GARRE1: variants seen among roughly 807,000 people sequenced by gnomAD.
GARRE1 encodes granule associated Rac and RHOG effector protein 1.
In GARRE1, 49 loss-of-function variants were observed where a neutral mutation model predicts 103.2. The ratio of observed to expected loss-of-function variants is 0.47; its 90% CI spans 0.38 to 0.60. The LOEUF is 0.60. GARRE1 is among the 20% of genes least tolerant of loss of function. GARRE1 has a pLI of 0.00. For missense variants in GARRE1, 1,199 were observed against 1,370.5 expected (o/e 0.87, Z 1.98); for synonymous variants, 505 against 532.8 (o/e 0.95, Z 0.72).
At chr19:34,319,093 G>T (rs954852477) in intron 2 of GARRE1, among the ~76,000 whole-genome samples, 1 of 152,174 alleles carries the variant, frequency 6.6e-6, no homozygotes, top group Non-Finnish European at 1.5e-5. Context: ...GGGAGGAGCA[G>T]CAAAGGAGCT....
chr19:34,277,910 C>A (rs867239111), intron 1 of GARRE1, among the ~76,000 whole-genome samples: 1 of 108,980 alleles, frequency 9.2e-6, no homozygotes, highest in African/African-American at 3.4e-5. Flanking sequence ...CACCCCCCCC[C>A]CCCACCCCCA....
intron 2 of GARRE1, among the ~76,000 whole-genome samples, chr19:34,307,075 G>A (rs1241273764): frequency 1.3e-5 from 2 of 152,192 alleles, no homozygotes; most frequent in Non-Finnish European, 1.5e-5. Context: ...TGGAGTGTTG[G>A]AAGAGCAGGA....
intron 1 of GARRE1, among the ~76,000 whole-genome samples, chr19:34,269,088 C>T (rs917039256): frequency 1.3e-5 from 2 of 152,174 alleles, no homozygotes; most frequent in Non-Finnish European, 2.9e-5. Context: ...AGTTGTTCTT[C>T]TGCTTAAATG....
chr19:34,285,244 A>C (rs2073879404), intron 1 of GARRE1: 1 of 152,170 alleles, frequency 6.6e-6, no homozygotes, highest in African/African-American at 2.4e-5. Flanking sequence ...AGGGGATATT[A>C]TGATCACTGC....
At position 34,300,341 on chromosome 19, in the gene GARRE1, T is replaced by C. The variant is rs1047134428; in HGVS notation, c.-133T>C. The C allele has an allele frequency of 1.0e-6, 1 of 964,512 alleles. No homozygotes were observed. The highest frequency in any genetic ancestry group is 1.6e-5 in the African/African-American group (1 of 61,418). The allele number at this position is 964,512 out of a possible 1,614,324, so 59.7% of individuals were successfully genotyped here. Reference sequence around the variant, plus strand: ...CTCTACATTGGATCACATGGTCACCTGCCTCATGGAAATGCCTTTTTTAAA... The same window carrying C: ...CTCTACATTGGATCACATGGTCACCCGCCTCATGGAAATGCCTTTTTTAAA... On this transcript the variant is annotated 5_prime_UTR_variant, in exon 2 of 14. Transcript: ENST00000299505.
intron 3 of GARRE1, among the ~76,000 whole-genome samples, chr19:34,324,821 C>G (rs924527452): frequency 1.3e-5 from 2 of 152,120 alleles, no homozygotes; most frequent in Non-Finnish European, 2.9e-5. Flanking sequence ...CTAGAGATAA[C>G]CTCTGTTGAA....
chr19:34,315,913 C>T (rs1355126492), intron 2 of GARRE1, among the ~76,000 whole-genome samples: 1 of 152,168 alleles, frequency 6.6e-6, no homozygotes, highest in Non-Finnish European at 1.5e-5. Flanking sequence ...GCACCCTTCT[C>T]CTCCACCATC....
rs755800148 is a variant in GARRE1 at position 34,300,963 on chromosome 19, A to G, written c.490A>G (p.Ile164Val). Residue 164 changes from isoleucine to valine, a missense_variant, in exon 2 of 14, where the codon ATT (isoleucine) becomes GTT (valine). Physicochemically the swap from Ile to Val is conservative, Grantham distance 29. Coordinates refer to ENST00000299505, the MANE Select transcript of GARRE1 (RefSeq NM_014686.5). ...TDQKEFSLQDIEVLGRCFLTV... is the reference protein window; with the variant it reads ...TDQKEFSLQDVEVLGRCFLTV... The stretch of plus-strand genomic sequence containing the variant: ...TCAGAAGGAATTCAGTCTCCAGGAC[A>G]TTGAGGTAGAGTATCTTTTGTGTCA... 1.3e-5 allele frequency: 20 copies of G among 1,596,622 alleles called. No homozygotes were observed. The highest frequency in any genetic ancestry group is 8.8e-5 in the South Asian group (8 of 90,868).
intron 1 of GARRE1, among the ~76,000 whole-genome samples, chr19:34,293,743 C>CACACACACACACACACACACAT (rs902253324): frequency 8.8e-6 from 1 of 113,460 alleles, no homozygotes; most frequent in African/African-American, 3.4e-5. Context: ...CACACACACA[C>CACACACACACACACACACACAT]ATATTTCTTT....
intron 1 of GARRE1, among the ~76,000 whole-genome samples, chr19:34,298,937 C>G (rs1266159022): frequency 6.6e-6 from 1 of 152,082 alleles, no homozygotes; most frequent in African/African-American, 2.4e-5. Flanking sequence ...AAGAAGCCAC[C>G]CAAGGTGTGA....
intron 10 of GARRE1, among the ~76,000 whole-genome samples, chr19:34,344,772 C>T (rs578021727): frequency 1.3e-4 from 19 of 151,068 alleles, no homozygotes; most frequent in Admixed American, 1.3e-3. Flanking sequence ...CTCCTGGGCT[C>T]AAATGATTCT....
rs1170788665 is a variant in GARRE1 at position 34,340,012 on chromosome 19, A to G, written c.1487+20A>G. 1 of 1,613,982 alleles carries G rather than the reference A, an allele frequency of 6.2e-7. No individual in the cohort carries two copies. Among genetic ancestry groups the G allele is most frequent in the Admixed American group, 1.7e-5 (1 of 60,016 alleles). On this transcript the variant is annotated intron_variant, in intron 9 of 13. Transcript: ENST00000299505. ...TGGAAGGTTGGTGTCTGTGGTTTGC[A>G]TTAGATGCATACCGAGGGACAGTGT...
chr19:34,259,366 C>T (rs2073699628), intron 1 of GARRE1, among the ~76,000 whole-genome samples: 1 of 152,170 alleles, frequency 6.6e-6, no homozygotes, highest in Non-Finnish European at 1.5e-5. Context: ...TTAACGTGGT[C>T]CTACTCTGGA....
rs1377933495 is a variant in GARRE1 at position 34,262,209 on chromosome 19, T to C, written c.-796+7595T>C. Among the ~76,000 whole-genome samples the C allele has an allele frequency of 4.0e-5, 6 of 149,206 alleles. No individual in the cohort carries two copies. In the South Asian group the frequency reaches 1.1e-3, roughly 27 times the overall value. ...CATATTGGCCAGGCTGGTCTTGAACTCCTTACCTTGTGATCCGCCCACCTT... is the reference window on the plus strand; with the variant it reads ...CATATTGGCCAGGCTGGTCTTGAACCCCTTACCTTGTGATCCGCCCACCTT... On this transcript the variant is annotated intron_variant, in intron 1 of 13. Transcript: ENST00000299505.
chr19:34,307,692 T>C (rs1417652475), intron 2 of GARRE1, among the ~76,000 whole-genome samples: 2 of 131,716 alleles, frequency 1.5e-5, no homozygotes, highest in Non-Finnish European at 3.3e-5. Context: ...TATATACTTA[T>C]ATATACATAT....
At chr19:34,298,406 T>C in intron 1 of GARRE1, among the ~76,000 whole-genome samples, 1 of 138,044 alleles carries the variant, frequency 7.2e-6, no homozygotes, top group African/African-American at 2.8e-5. Context: ...ACAGTGAGAC[T>C]CTGTCTCAAA....
chr19:34,279,115 G>T (rs966321258), intron 1 of GARRE1, among the ~76,000 whole-genome samples: 3 of 152,138 alleles, frequency 2.0e-5, no homozygotes, highest in Non-Finnish European at 4.4e-5. Flanking sequence ...AGAAATACCT[G>T]CTCACGTCCT....
At chr19:34,283,469 C>A (rs2145224176) in intron 1 of GARRE1, among the ~76,000 whole-genome samples, 1 of 152,316 alleles carries the variant, frequency 6.6e-6, no homozygotes, top group Admixed American at 6.5e-5. Flanking sequence ...ATGATAATAT[C>A]ATCATCATCA....
chr19:34,302,750 T>G (rs1373660272), intron 2 of GARRE1, among the ~76,000 whole-genome samples: 3 of 151,260 alleles, frequency 2.0e-5, no homozygotes, highest in Non-Finnish European at 3.0e-5. Flanking sequence ...TTTTTTTTTT[T>G]TTTTTTTTTT....
Sources: gnomAD v4.1 joint callset for allele counts (sites outside exome capture counted in the v4.1 genomes callset) on GRCh38, gnomAD v4.1.1 for gene constraint, MANE v1.5 for transcripts, NCBI Gene and HGNC (gene_info 2026-07-23, HGNC 2026-07-21) for gene names.